GLIS3: variants seen among roughly 807,000 people sequenced by gnomAD.
The protein encoded by GLIS3 is zinc finger protein GLIS3.
A neutral mutation model predicts 78.6 loss-of-function variants in GLIS3; 53 were observed. The ratio of observed to expected loss-of-function variants is 0.67; its 90% CI spans 0.54 to 0.85. The LOEUF is 0.85. Among genes scored for constraint, GLIS3 ranks in the 40% least tolerant of loss-of-function variants. The probability of loss-of-function intolerance (pLI) is 0.00; values close to 1 mark genes in which losing one functional copy is unlikely to be tolerated. For synonymous variants in GLIS3, 684 were observed against 509.9 expected (o/e 1.34, Z -4.60); for missense variants, 1,703 against 1,231.1 (o/e 1.38, Z -5.74).
rs564996933 is a variant in GLIS3 at position 4,252,847 on chromosome 9, T to C, written c.388+33191A>G. On this transcript the variant is annotated intron_variant, in intron 2 of 10. Transcript: ENST00000381971. ...ATGCTATTCCTTTCTGTTTGTTAGT[T>C]TTCCTTCTAACAGTCAGGCCCCTCT... Among the ~76,000 whole-genome samples, 3 of 152,322 alleles carry C rather than the reference T, an allele frequency of 2.0e-5. No homozygotes were observed. The South Asian group carries it at 6.2e-4, about 32-fold the overall frequency.
At chr9:3,850,762 G>C (rs1008222279) in intron 9 of GLIS3, among the ~76,000 whole-genome samples, 1 of 152,140 alleles carries the variant, frequency 6.6e-6, no homozygotes, top group Non-Finnish European at 1.5e-5. Flanking sequence ...CTTAACCTGT[G>C]TACTCCAGCC....
the GLIS3 span, among the ~76,000 whole-genome samples, chr9:4,386,213 G>A: frequency 1.3e-5 from 2 of 152,104 alleles, no homozygotes; most frequent in Non-Finnish European, 2.9e-5. Flanking sequence ...TACTCAGAAG[G>A]AGCTTTGGTT....
At chr9:4,223,814 T>G (rs1321954789) in intron 2 of GLIS3, among the ~76,000 whole-genome samples, 1 of 152,216 alleles carries the variant, frequency 6.6e-6, no homozygotes, top group Non-Finnish European at 1.5e-5. Flanking sequence ...GGATATTTTA[T>G]GAGGAGGAAC....
At chr9:4,251,630 T>C (rs1185982643) in intron 2 of GLIS3, among the ~76,000 whole-genome samples, 3 of 152,190 alleles carry the variant, frequency 2.0e-5, no homozygotes, top group Non-Finnish European at 4.4e-5. Context: ...TTTTCATGTG[T>C]GAATTTAATC....
chr9:4,064,774 A>G lies in GLIS3; in HGVS notation c.1710+52994T>C, dbSNP rs570758593. 1.5e-4 allele frequency among the ~76,000 whole-genome samples: 23 copies of G among 152,342 alleles called. No individual in the cohort carries two copies. The East Asian group carries it at 2.3e-3, about 15-fold the overall frequency. ...GCGCCAGTCAGAGAGGAAACTACTTAAATCTTATTTCATTTCCATTTTCTC... is the reference window on the plus strand; with the variant it reads ...GCGCCAGTCAGAGAGGAAACTACTTGAATCTTATTTCATTTCCATTTTCTC... On this transcript the variant is annotated intron_variant, in intron 4 of 10. Coordinates refer to ENST00000381971, the MANE Select transcript of GLIS3 (RefSeq NM_001042413.2).
chr9:4,202,751 T>C (rs919665617), intron 2 of GLIS3, among the ~76,000 whole-genome samples: 1 of 152,166 alleles, frequency 6.6e-6, no homozygotes, highest in East Asian at 1.9e-4. Flanking sequence ...GATACTGAGA[T>C]AGCTGGCTAG....
chr9:4,032,086 C>A (rs1261041485), intron 4 of GLIS3, among the ~76,000 whole-genome samples: 1 of 152,154 alleles, frequency 6.6e-6, no homozygotes, highest in Non-Finnish European at 1.5e-5. Context: ...AGCAGCCCTG[C>A]AGAGCAAGGG....
chr9:3,899,599 A>G (rs907509667), intron 6 of GLIS3, among the ~76,000 whole-genome samples: 12 of 152,214 alleles, frequency 7.9e-5, no homozygotes, highest in Admixed American at 6.5e-4. Flanking sequence ...AATACCTTAA[A>G]AGCAATCTAG....
chr9:4,249,373 T>C (rs926815739), intron 2 of GLIS3, among the ~76,000 whole-genome samples: 2 of 152,222 alleles, frequency 1.3e-5, no homozygotes, highest in African/African-American at 4.8e-5. Context: ...TATTTTATCC[T>C]CTTTGTAGCA....
chr9:4,356,705 T>G, the GLIS3 span, among the ~76,000 whole-genome samples: 2 of 152,190 alleles, frequency 1.3e-5, 1 homozygote, highest in Non-Finnish European at 2.9e-5. Flanking sequence ...ATAAATGAAA[T>G]CGCATGACTA....
intron 2 of GLIS3, among the ~76,000 whole-genome samples, chr9:4,258,704 G>A (rs2129980524): frequency 6.6e-6 from 1 of 152,288 alleles, no homozygotes; most frequent in South Asian, 2.1e-4. Context: ...TGGCAGAACT[G>A]GGGGTGATCT....
chr9:4,084,554 G>A lies in GLIS3; in HGVS notation c.1710+33214C>T, dbSNP rs545893550. On this transcript the variant is annotated intron_variant, in intron 4 of 10. Coordinates refer to ENST00000381971, the MANE Select transcript of GLIS3 (RefSeq NM_001042413.2). ...TGGAAGTGGGTGACGGAGACATGGA[G>A]CCAGAAACAGAGCTGTGAGGAAGAA... is the stretch of plus-strand genomic sequence containing the variant. 3.3e-5 allele frequency among the ~76,000 whole-genome samples: 5 copies of A among 152,264 alleles called. No individual in the cohort carries two copies. In the South Asian group the frequency reaches 1.0e-3, roughly 32 times the overall value.
the GLIS3 span, among the ~76,000 whole-genome samples, chr9:4,431,721 G>C: frequency 6.6e-6 from 1 of 151,884 alleles, no homozygotes; most frequent in Non-Finnish European, 1.5e-5. Context: ...GCACATGCCT[G>C]TAATCCAAGC....
chr9:4,407,430 G>A, the GLIS3 span, among the ~76,000 whole-genome samples: 1 of 152,216 alleles, frequency 6.6e-6, no homozygotes, highest in Non-Finnish European at 1.5e-5. Flanking sequence ...TGGATCACGA[G>A]GTCAGGAGAT....
At chr9:4,211,192 C>T (rs2131299210) in intron 2 of GLIS3, among the ~76,000 whole-genome samples, 1 of 152,338 alleles carries the variant, frequency 6.6e-6, no homozygotes, top group East Asian at 1.9e-4. Context: ...CCAGATTGTG[C>T]CGAATACATG....
rs1056903582 is a variant in GLIS3, at chr9:4,215,317, G to C, written c.388+70721C>G. 6.5e-5 allele frequency among the ~76,000 whole-genome samples: 8 copies of C among 122,458 alleles called. No homozygotes were observed. In the South Asian group the frequency reaches 1.6e-3, roughly 25 times the overall value. 80.3% of individuals were successfully genotyped at this position (122,458 alleles called of 152,430 possible). A position where few individuals can be genotyped will look rare whatever the true frequency, so the allele number is the denominator to read the frequency against. ...CTGTGAGGGGAGAGATGAGAGGAGT[G>C]TGTGTGCATATGTGTGTGTGTGTGT... is the stretch of plus-strand genomic sequence containing the variant. On this transcript the variant is annotated intron_variant, in intron 2 of 10. Coordinates refer to ENST00000381971, the MANE Select transcript of GLIS3 (RefSeq NM_001042413.2).
At chr9:3,906,221 G>T (rs35880221) in intron 6 of GLIS3, among the ~76,000 whole-genome samples, 13,520 of 152,232 alleles carry the variant, frequency 0.089, 722 homozygotes, top group South Asian at 0.24. Flanking sequence ...TGTGTAAGCA[G>T]GAAACAAAGT....
At chr9:4,451,447 G>A in the GLIS3 span, among the ~76,000 whole-genome samples, 2 of 152,256 alleles carry the variant, frequency 1.3e-5, no homozygotes, top group African/African-American at 2.4e-5. Flanking sequence ...CAACAAGACA[G>A]AAGGTTAACA....
intron 2 of GLIS3, among the ~76,000 whole-genome samples, chr9:4,131,782 T>C (rs1016992675): frequency 5.3e-5 from 8 of 152,098 alleles, no homozygotes; most frequent in Non-Finnish European, 1.2e-4. Context: ...CCTCATAAGG[T>C]TGTTGTGCAT....
Sources: gnomAD v4.1 joint callset for allele counts (sites outside exome capture counted in the v4.1 genomes callset) on GRCh38, gnomAD v4.1.1 for gene constraint, MANE v1.5 for transcripts, NCBI Gene and HGNC (gene_info 2026-07-23, HGNC 2026-07-21) for gene names.